Variants in GPR158 observed in about 807,000 individuals in gnomAD.
The protein encoded by GPR158 is metabotropic glycine receptor.
A neutral mutation model predicts 78.2 loss-of-function variants in GPR158; 30 were observed. That is an observed-to-expected ratio of 0.38 (90% confidence interval 0.29 to 0.52). The LOEUF is 0.52. Among genes scored for constraint, GPR158 ranks in the 20% least tolerant of loss-of-function variants. The pLI is 0.83. For missense variants in GPR158, 1,463 were observed against 1,523.5 expected, an observed-to-expected ratio of 0.96 and a Z score of 0.66; for synonymous variants, 581 against 591.1, an observed-to-expected ratio of 0.98 and a Z score of 0.25.
intron 2 of GPR158, among the ~76,000 whole-genome samples, chr10:25,258,084 A>C (rs1263440908): frequency 6.6e-6 from 1 of 152,208 alleles, no homozygotes; most frequent in Non-Finnish European, 1.5e-5. Flanking sequence ...ATTTTATGAG[A>C]TATTTTTAAC....
chr10:25,444,873 T>C (rs1564457526), intron 4 of GPR158, among the ~76,000 whole-genome samples: 1 of 152,160 alleles, frequency 6.6e-6, no homozygotes, highest in East Asian at 1.9e-4. Context: ...TTCTGATCCA[T>C]GACTGAAAAG....
Position 25,240,527 on chromosome 10 carries a change from G to C in GPR158, c.1008+19370G>C, listed in dbSNP as rs551054466. ...GAGGTCACTTTGACTAAATGGTCAG[G>C]ACAGGCATCAGGATGCACGCCTTTA... On this transcript the variant is annotated intron_variant, in intron 2 of 10. Transcript: ENST00000376351. Among the ~76,000 whole-genome samples the C allele has an allele frequency of 2.0e-5, 3 of 152,284 alleles. No homozygotes were observed. In the East Asian group the frequency reaches 5.8e-4, roughly 29 times the overall value.
At chr10:25,494,534 A>T (rs1835853161) in intron 5 of GPR158, among the ~76,000 whole-genome samples, 1 of 152,128 alleles carries the variant, frequency 6.6e-6, no homozygotes, top group Non-Finnish European at 1.5e-5. Flanking sequence ...TTATTCCTTT[A>T]TCATTTACCT....
chr10:25,424,438 T>G (rs10764547), intron 4 of GPR158, among the ~76,000 whole-genome samples: 105,109 of 150,584 alleles, frequency 0.7, 37,668 homozygotes, highest in Non-Finnish European at 0.8. Context: ...TTTTGGTGTT[T>G]TAGACATGAA....
intron 1 of GPR158, among the ~76,000 whole-genome samples, chr10:25,177,178 A>C (rs187158001): frequency 1.2e-3 from 185 of 152,298 alleles, no homozygotes; most frequent in Non-Finnish European, 1.2e-3. Flanking sequence ...TCCTGTCTCA[A>C]ACTATAGCAT....
intron 2 of GPR158, among the ~76,000 whole-genome samples, chr10:25,342,262 AGAT>A (rs1159818262): frequency 6.7e-6 from 1 of 150,352 alleles, no homozygotes. Context: ...TTTTAGGCCT[AGAT>A]GCTAGCACTG....
chr10:25,303,089 G>C (rs1854622926), intron 2 of GPR158, among the ~76,000 whole-genome samples: 2 of 152,188 alleles, frequency 1.3e-5, no homozygotes, highest in Admixed American at 6.5e-5. Flanking sequence ...TTCTTACTTG[G>C]TAAATGCTGA....
At chr10:25,208,579 T>C (rs1853081457) in intron 1 of GPR158, among the ~76,000 whole-genome samples, 1 of 151,406 alleles carries the variant, frequency 6.6e-6, no homozygotes, top group African/African-American at 2.4e-5. Context: ...TGTGTGTGTG[T>C]GTGTGTGTGT....
intron 2 of GPR158, among the ~76,000 whole-genome samples, chr10:25,329,267 T>A (rs990520453): frequency 4.0e-5 from 6 of 151,740 alleles, no homozygotes; most frequent in Non-Finnish European, 8.8e-5. Flanking sequence ...AAACCCTGTC[T>A]CTACTAAAAA....
chr10:25,553,761 TG>T (rs1464816820), intron 6 of GPR158, among the ~76,000 whole-genome samples: 2 of 152,168 alleles, frequency 1.3e-5, no homozygotes, highest in Admixed American at 1.3e-4. Flanking sequence ...TAAGCTTTTG[TG>T]ATGACATGAT....
At chr10:25,423,496 T>C (rs1232536007) in intron 4 of GPR158, among the ~76,000 whole-genome samples, 4 of 152,068 alleles carry the variant, frequency 2.6e-5, no homozygotes, top group Non-Finnish European at 5.9e-5. Context: ...CATTAATTCA[T>C]CATTACATTA....
intron 3 of GPR158, among the ~76,000 whole-genome samples, chr10:25,408,800 T>C (rs1834549645): frequency 6.6e-6 from 1 of 152,138 alleles, no homozygotes; most frequent in African/African-American, 2.4e-5. Flanking sequence ...GCGATCACCA[T>C]GTCCTGAAGG....
At chr10:25,493,499 A>G (rs556438483) in intron 5 of GPR158, among the ~76,000 whole-genome samples, 1 of 151,490 alleles carries the variant, frequency 6.6e-6, no homozygotes, top group South Asian at 2.1e-4. Flanking sequence ...AGGGCTTTCT[A>G]AAAAAAAATG....
intron 2 of GPR158, among the ~76,000 whole-genome samples, chr10:25,386,828 G>A (rs1834228338): frequency 6.6e-6 from 1 of 152,042 alleles, no homozygotes. Context: ...CTACATGTTT[G>A]CTGGATACAT....
intron 2 of GPR158, among the ~76,000 whole-genome samples, chr10:25,224,130 A>T (rs1396278021): frequency 6.6e-6 from 1 of 152,176 alleles, no homozygotes; most frequent in African/African-American, 2.4e-5. Flanking sequence ...TTTTTGAAGG[A>T]CATGTCTTAG....
At chr10:25,198,023 T>G (rs1852866858) in intron 1 of GPR158, among the ~76,000 whole-genome samples, 1 of 152,056 alleles carries the variant, frequency 6.6e-6, no homozygotes, top group South Asian at 2.1e-4. Flanking sequence ...CTGCTACCTT[T>G]GCAAAAAACA....
rs72792070 is a variant in GPR158 at position 25,262,613 on chromosome 10, G to A, written c.1008+41456G>A. Among the ~76,000 whole-genome samples the A allele has an allele frequency of 8.4e-3, 1,283 of 152,186 alleles. 7 individuals carry two copies. The highest frequency in any genetic ancestry group is 0.014 in the Non-Finnish European group (943 of 67,990). On this transcript the variant is annotated intron_variant, in intron 2 of 10. Transcript: ENST00000376351. Reference sequence around the variant, plus strand: ...AGGTTCAAACCAAAATGAGTGGAAAGTATGGAGTTCCTATATACCCTCTAT... The same window carrying A: ...AGGTTCAAACCAAAATGAGTGGAAAATATGGAGTTCCTATATACCCTCTAT...
chr10:25,384,986 T>C (rs1834204167), intron 2 of GPR158, among the ~76,000 whole-genome samples: 4 of 152,182 alleles, frequency 2.6e-5, no homozygotes, highest in Admixed American at 2.6e-4. Context: ...ATACATAATA[T>C]AAAAATCTAA....
At chr10:25,456,390 G>T (rs1011655113) in intron 4 of GPR158, among the ~76,000 whole-genome samples, 15 of 152,126 alleles carry the variant, frequency 9.9e-5, no homozygotes, top group African/African-American at 3.6e-4. Flanking sequence ...CTTTTTCTGG[G>T]CATTTCATAC....
Sources: gnomAD v4.1 joint callset for allele counts (sites outside exome capture counted in the v4.1 genomes callset) on GRCh38, gnomAD v4.1.1 for gene constraint, MANE v1.5 for transcripts, NCBI Gene and HGNC (gene_info 2026-07-23, HGNC 2026-07-21) for gene names.